The following GRIN2B variants were observed in gnomAD, a reference collection of about 807,000 sequenced individuals.
The protein encoded by GRIN2B is glutamate ionotropic receptor NMDA type subunit 2B, also known as glutamate receptor ionotropic, NMDA 2B.
Under a neutral mutation model 114.5 loss-of-function variants are expected in GRIN2B, and 5 were observed. That is an observed-to-expected ratio of 0.04 (90% CI 0.02 to 0.09). The LOEUF is 0.09. GRIN2B is among the 10% of genes least tolerant of loss of function. The pLI is 1.00. For missense variants in GRIN2B, 1,108 were observed against 1,943.5 expected (o/e 0.57, Z 8.08); for synonymous variants, 787 against 745.1 (o/e 1.06, Z -0.92).
chr12:13,772,554 G>A (rs1048074237), intron 3 of GRIN2B, among the ~76,000 whole-genome samples: 6 of 152,082 alleles, frequency 3.9e-5, no homozygotes, highest in South Asian at 2.1e-4. Context: ...TAATATCAGC[G>A]CATCATAATT....
At chr12:13,898,573 T>C (rs1209493485) in intron 2 of GRIN2B, among the ~76,000 whole-genome samples, 1 of 152,194 alleles carries the variant, frequency 6.6e-6, no homozygotes, top group African/African-American at 2.4e-5. Context: ...TGGTTCTTCC[T>C]TGTCTGCCTG....
chr12:13,583,664 C>G (rs1439204125), intron 10 of GRIN2B, among the ~76,000 whole-genome samples: 1 of 152,062 alleles, frequency 6.6e-6, no homozygotes. Context: ...ACAGAGCAGG[C>G]AGAGATGGAG....
intron 5 of GRIN2B, among the ~76,000 whole-genome samples, chr12:13,638,478 G>A (rs960474411): frequency 2.6e-5 from 4 of 152,110 alleles, no homozygotes; most frequent in Non-Finnish European, 5.9e-5. Context: ...GGCAGCCCTT[G>A]AGCACTGACC....
chr12:13,759,656 A>G (rs1003905358), intron 3 of GRIN2B, among the ~76,000 whole-genome samples: 10 of 152,306 alleles, frequency 6.6e-5, no homozygotes, highest in Admixed American at 6.5e-4. Context: ...TACCAGCAAC[A>G]TTTGATGTTC....
chr12:13,753,275 C>A lies in GRIN2B; in HGVS notation c.1010+42G>T. 8.7e-7 allele frequency: 1 copy of A among 1,148,518 alleles called. No individual in the cohort carries two copies. The highest frequency in any genetic ancestry group is 1.3e-6 in the Non-Finnish European group (1 of 755,372). The allele number at this position is 1,148,518 out of a possible 1,614,324, so 71.1% of individuals were successfully genotyped here. Reference sequence around the variant, plus strand: ...TCCAACCCCAGTCTTTGAAGCTCCCCTCTCATCTCCACCATCAATGTGCCC... The same window carrying A: ...TCCAACCCCAGTCTTTGAAGCTCCCATCTCATCTCCACCATCAATGTGCCC... On this transcript the variant is annotated intron_variant, in intron 4 of 13. Transcript: ENST00000609686. The surrounding 1 kb of genome is among the most constrained non-coding windows in gnomAD (Gnocchi z 6.2).
At chr12:13,790,139 T>A (rs1591732249) in intron 3 of GRIN2B, among the ~76,000 whole-genome samples, 1 of 152,308 alleles carries the variant, frequency 6.6e-6, no homozygotes, top group East Asian at 1.9e-4. Context: ...AATCCTCTCC[T>A]CTCCTGGCCT....
At chr12:13,862,725 T>C (rs1248869071) in intron 3 of GRIN2B, among the ~76,000 whole-genome samples, 1 of 152,170 alleles carries the variant, frequency 6.6e-6, no homozygotes, top group Non-Finnish European at 1.5e-5. Context: ...ATCTTTGAAA[T>C]TTGTCCCAAA....
At chr12:13,820,498 C>G (rs1394622800) in intron 3 of GRIN2B, among the ~76,000 whole-genome samples, 3 of 152,180 alleles carry the variant, frequency 2.0e-5, no homozygotes, top group Non-Finnish European at 4.4e-5. Flanking sequence ...TTGTTTTTCT[C>G]TGTATTCTGA....
rs184081292 is a variant in GRIN2B, at chr12:13,547,538, A to G, written c.*15245T>C. ...TAGCAATTAGAATGTTTGACTGGCA[A>G]TGGCCAGGTAGATTTCACCATTATG... is the stretch of plus-strand genomic sequence containing the variant. On this transcript the variant is annotated 3_prime_UTR_variant, in exon 14 of 14. Transcript: ENST00000609686. 1 of 152,296 alleles carries G rather than the reference A, an allele frequency of 6.6e-6. No individual in the cohort carries two copies. Among genetic ancestry groups the G allele is most frequent in the East Asian group, 1.9e-4 (1 of 5,164 alleles). The allele number at this position is 152,296 out of a possible 1,614,324, so 9.4% of individuals were successfully genotyped here. A position where few individuals can be genotyped will look rare whatever the true frequency, so the allele number is the denominator to read the frequency against.
intron 5 of GRIN2B, among the ~76,000 whole-genome samples, chr12:13,631,253 C>T (rs769923075): frequency 2.6e-5 from 4 of 152,096 alleles, no homozygotes; most frequent in African/African-American, 9.7e-5. Flanking sequence ...GAAGGGCAGG[C>T]GGATATCTGG....
At chr12:13,733,279 A>G (rs966952497) in intron 4 of GRIN2B, among the ~76,000 whole-genome samples, 3 of 131,694 alleles carry the variant, frequency 2.3e-5, no homozygotes, top group African/African-American at 8.8e-5. Flanking sequence ...AAAGAAGTTG[A>G]CCCAAAATGG....
chr12:13,673,246 G>C (rs1388011729), intron 5 of GRIN2B, among the ~76,000 whole-genome samples: 1 of 152,148 alleles, frequency 6.6e-6, no homozygotes, highest in African/African-American at 2.4e-5. Context: ...ATTCTAGGAA[G>C]ACACATCATG....
chr12:13,891,613 C>T (rs536374152), intron 2 of GRIN2B, among the ~76,000 whole-genome samples: 204 of 87,192 alleles, frequency 2.3e-3, no homozygotes, highest in Non-Finnish European at 4.1e-3. Flanking sequence ...GCCACACAAC[C>T]TTTCTAATGA....
At chr12:13,630,627 C>A (rs1016540694) in intron 5 of GRIN2B, among the ~76,000 whole-genome samples, 4 of 152,176 alleles carry the variant, frequency 2.6e-5, no homozygotes, top group African/African-American at 9.7e-5. Context: ...AGTACCAACA[C>A]TAGACCCACA....
At chr12:13,813,224 C>T (rs954513984) in intron 3 of GRIN2B, among the ~76,000 whole-genome samples, 3 of 151,950 alleles carry the variant, frequency 2.0e-5, no homozygotes, top group Non-Finnish European at 4.4e-5. Flanking sequence ...CGTGAGCCAC[C>T]GTGCCCGGCC....
rs1257401685 is a variant in GRIN2B, at chr12:13,550,833, T to C, written c.*11950A>G. 1 of 152,140 alleles carries C rather than the reference T, an allele frequency of 6.6e-6. No individual in the cohort carries two copies. Among genetic ancestry groups the C allele is most frequent in the Admixed American group, 6.5e-5 (1 of 15,274 alleles). 9.4% of individuals were successfully genotyped at this position (152,140 alleles called of 1,614,324 possible). A position where few individuals can be genotyped will look rare whatever the true frequency, so the allele number is the denominator to read the frequency against. ...AGCTCTGTGCTCACTCAACTTCTCA[T>C]CCTAACATTGTTTGTGTTTTGAGGA... On this transcript the variant is annotated 3_prime_UTR_variant, in exon 14 of 14. Coordinates refer to ENST00000609686, the MANE Select transcript of GRIN2B (RefSeq NM_000834.5).
intron 3 of GRIN2B, among the ~76,000 whole-genome samples, chr12:13,798,308 AG>A (rs1412053842): frequency 4.6e-5 from 7 of 152,048 alleles, no homozygotes; most frequent in African/African-American, 9.7e-5. Context: ...AAAAAAAAAA[AG>A]TCAGTGTTGC....
intron 4 of GRIN2B, among the ~76,000 whole-genome samples, chr12:13,745,709 A>C (rs554448495): frequency 6.6e-6 from 1 of 152,336 alleles, no homozygotes; most frequent in Admixed American, 6.5e-5. Flanking sequence ...TTCCAGCTCT[A>C]ATGCTTTGAT....
intron 3 of GRIN2B, among the ~76,000 whole-genome samples, chr12:13,807,698 T>A (rs2136680398): frequency 6.8e-6 from 1 of 147,694 alleles, no homozygotes; most frequent in Non-Finnish European, 1.5e-5. Flanking sequence ...AGACGTTTAT[T>A]AAGCAGAAGG....
Sources: allele counts gnomAD v4.1 joint callset (sites outside exome capture counted in the v4.1 genomes callset), GRCh38; gene constraint gnomAD v4.1.1; non-coding constraint Gnocchi (gnomAD v3.1); transcripts MANE v1.5; gene names NCBI Gene and HGNC (gene_info 2026-07-23, HGNC 2026-07-21).